The following FEZ2 variants were observed in gnomAD, a reference collection of about 807,000 sequenced individuals.
FEZ2 encodes the protein fasciculation and elongation protein zeta 2, also known as fasciculation and elongation protein zeta-2.
Under a neutral mutation model 40.4 loss-of-function variants are expected in FEZ2, and 51 were observed. The ratio of observed to expected loss-of-function variants is 1.26; its 90% CI spans 1.01 to 1.59. The LOEUF is 1.59. FEZ2 is among the 40% of genes most tolerant of loss of function. The pLI is 0.00. For synonymous variants in FEZ2, 242 were observed against 172.0 expected (o/e 1.41, Z -3.18); for missense variants, 640 against 438.3 (o/e 1.46, Z -4.11).
chr2:36,562,227 AT>A, intron 5 of FEZ2, among the ~76,000 whole-genome samples: 1 of 152,234 alleles, frequency 6.6e-6, no homozygotes, highest in East Asian at 1.9e-4. Flanking sequence ...TTTATAATGA[AT>A]TTATTTTTGG....
chr2:36,577,074 G>A (rs1668594802), intron 5 of FEZ2, among the ~76,000 whole-genome samples: 1 of 152,146 alleles, frequency 6.6e-6, no homozygotes, highest in Non-Finnish European at 1.5e-5. Context: ...ATGCAAAATA[G>A]TGTCCCTAAT....
intron 1 of FEZ2, among the ~76,000 whole-genome samples, chr2:36,593,843 G>GT (rs1669139379): frequency 1.4e-5 from 2 of 142,368 alleles, no homozygotes; most frequent in African/African-American, 5.5e-5. Flanking sequence ...CCAGAAAATG[G>GT]GTTTTTTTTT....
chr2:36,578,793 G>A lies in FEZ2; in HGVS notation c.707C>T (p.Ser236Phe). The A allele has an allele frequency of 6.2e-7, 1 of 1,613,832 alleles. No homozygotes were observed. Among genetic ancestry groups the A allele is most frequent in the Non-Finnish European group, 8.5e-7 (1 of 1,179,782 alleles). ...AGCCAACTGCTGCACCAGCTCCTCA[G>A]AGTACTCCTTAATGGCAGTCTCAAT... ...EEIETAIKEYSEELVQQLALR... is the reference protein window; with the variant it reads ...EEIETAIKEYFEELVQQLALR... Residue 236 changes from serine to phenylalanine, a missense_variant, in exon 5 of 8, where the codon TCT (serine) becomes TTT (phenylalanine). Transcript: ENST00000405912.
chr2:36,561,473 A>G (rs3770799), intron 5 of FEZ2: 52,997 of 151,956 alleles, frequency 0.35, 9,393 homozygotes, highest in Middle Eastern at 0.52. Flanking sequence ...GGCCCCCAAA[A>G]ACTTCTCCAA....
chr2:36,570,802 C>T (rs928241413), intron 5 of FEZ2, among the ~76,000 whole-genome samples: 1 of 152,152 alleles, frequency 6.6e-6, no homozygotes, highest in Non-Finnish European at 1.5e-5. Flanking sequence ...AGAAAAAGTA[C>T]AGTAAAAATA....
chr2:36,586,117 G>A (rs1453929231), intron 2 of FEZ2, among the ~76,000 whole-genome samples: 2 of 151,944 alleles, frequency 1.3e-5, no homozygotes, highest in African/African-American at 4.8e-5. Flanking sequence ...TTGATGAGAG[G>A]GGATGTATGA....
intron 4 of FEZ2, among the ~76,000 whole-genome samples, chr2:36,580,426 T>C (rs1668701380): frequency 6.6e-6 from 1 of 152,182 alleles, no homozygotes; most frequent in South Asian, 2.1e-4. Flanking sequence ...ACCCCATCAG[T>C]GCCTATTCAA....
chr2:36,580,925 G>A (rs764139420), intron 4 of FEZ2, among the ~76,000 whole-genome samples: 18 of 152,272 alleles, frequency 1.2e-4, no homozygotes, highest in South Asian at 8.3e-4. Flanking sequence ...AGGCTAAGGC[G>A]GGCGGATCAT....
chr2:36,573,156 G>C (rs1037735145), intron 5 of FEZ2, among the ~76,000 whole-genome samples: 5 of 152,222 alleles, frequency 3.3e-5, no homozygotes, highest in East Asian at 1.9e-4. Context: ...AAACAGAAAA[G>C]ACTATCGATT....
intron 4 of FEZ2, among the ~76,000 whole-genome samples, chr2:36,579,356 G>T (rs189403539): frequency 1.7e-3 from 257 of 152,282 alleles, no homozygotes; most frequent in African/African-American, 4.9e-3. Context: ...TGTGAATTTT[G>T]TTGAAATTGG....
chr2:36,596,181 C>A (rs1317554740), intron 1 of FEZ2, among the ~76,000 whole-genome samples: 1 of 152,126 alleles, frequency 6.6e-6, no homozygotes, highest in East Asian at 1.9e-4. Context: ...TACACCTGGG[C>A]AGAACACTGT....
At chr2:36,575,937 T>C (rs1668557475) in intron 5 of FEZ2, among the ~76,000 whole-genome samples, 1 of 151,910 alleles carries the variant, frequency 6.6e-6, no homozygotes, top group South Asian at 2.1e-4. Context: ...AAACTTCAAG[T>C]CCTGCTAATA....
intron 6 of FEZ2, 43 bp from the exon 7 acceptor site, chr2:36,555,791 T>C (rs752823497): frequency 3.5e-6 from 4 of 1,130,638 alleles, no homozygotes; most frequent in East Asian, 4.9e-5. Context: ...ATTAAAAATT[T>C]AGATCAAAAA....
intron 5 of FEZ2, among the ~76,000 whole-genome samples, chr2:36,574,896 T>C (rs1374815038): frequency 6.6e-6 from 1 of 152,128 alleles, no homozygotes; most frequent in African/African-American, 2.4e-5. Context: ...GAGTTGCACT[T>C]CCCAAAGAGG....
chr2:36,588,930 G>A (rs1445477011), intron 2 of FEZ2, among the ~76,000 whole-genome samples: 4 of 152,038 alleles, frequency 2.6e-5, no homozygotes. Flanking sequence ...ACTATGAATG[G>A]AAACTCTTCT....
intron 5 of FEZ2, among the ~76,000 whole-genome samples, chr2:36,571,595 C>T (rs1044031617): frequency 1.3e-5 from 2 of 152,018 alleles, no homozygotes; most frequent in African/African-American, 2.4e-5. Flanking sequence ...GTAGAGGCTG[C>T]AGTGGGCCCA....
At chr2:36,587,864 T>G (rs1023224497) in intron 2 of FEZ2, among the ~76,000 whole-genome samples, 2 of 152,190 alleles carry the variant, frequency 1.3e-5, no homozygotes, top group African/African-American at 4.8e-5. Flanking sequence ...TAGTCCTTAT[T>G]GCCCATTTGT....
intron 5 of FEZ2, among the ~76,000 whole-genome samples, chr2:36,561,888 AATAC>A (rs1668102395): frequency 6.6e-6 from 1 of 152,238 alleles, no homozygotes; most frequent in Non-Finnish European, 1.5e-5. Context: ...GTCATCAAGA[AATAC>A]ATATAGTTTC....
chr2:36,597,400 T>G (rs1379079263), intron 1 of FEZ2, among the ~76,000 whole-genome samples: 3 of 152,336 alleles, frequency 2.0e-5, no homozygotes, highest in South Asian at 4.1e-4. Context: ...CATACATGTA[T>G]TTGTTTACAA....
Sources: allele counts gnomAD v4.1 joint callset (sites outside exome capture counted in the v4.1 genomes callset), GRCh38; gene constraint gnomAD v4.1.1; transcripts MANE v1.5; gene names NCBI Gene and HGNC (gene_info 2026-07-23, HGNC 2026-07-21).